ZSWIM3: variants seen among roughly 807,000 people sequenced by gnomAD.
ZSWIM3 encodes the protein zinc finger SWIM-type containing 3.
A neutral mutation model predicts 47.5 loss-of-function variants in ZSWIM3; 27 were observed. That is an observed-to-expected ratio of 0.57 (90% CI 0.42 to 0.78). The LOEUF is 0.78. Ranked by LOEUF, ZSWIM3 falls within the 30% of genes least tolerant of loss-of-function variation. The probability of loss-of-function intolerance (pLI) is 0.00; values close to 1 mark genes in which losing one functional copy is unlikely to be tolerated. For synonymous variants in ZSWIM3, 333 were observed against 333.9 expected (o/e 1.00, Z 0.03); for missense variants, 689 against 861.3 (o/e 0.80, Z 2.50).
In ZSWIM3 at chr20:45,878,757, G is replaced by A. The variant is rs1384945807; in HGVS notation, c.*108G>A. The A allele has an allele frequency of 1.4e-5, 19 of 1,369,502 alleles. No individual in the cohort carries two copies. The highest frequency in any genetic ancestry group is 1.9e-5 in the Non-Finnish European group (19 of 1,020,416). The allele number at this position is 1,369,502 out of a possible 1,614,324, so 84.8% of individuals were successfully genotyped here. On this transcript the variant is annotated 3_prime_UTR_variant, in exon 2 of 2. Coordinates refer to ENST00000255152, the MANE Select transcript of ZSWIM3 (RefSeq NM_080752.4). ...TAGCATTTTAGCCAATGTCTTCCTAGGTGGGGCTAGGAATATTGTTACAGT... is the reference window on the plus strand; with the variant it reads ...TAGCATTTTAGCCAATGTCTTCCTAAGTGGGGCTAGGAATATTGTTACAGT...
intron 1 of ZSWIM3, among the ~76,000 whole-genome samples, chr20:45,864,386 C>T (rs73911124): frequency 0.026 from 4,026 of 151,998 alleles, 196 homozygotes; most frequent in African/African-American, 0.092. Context: ...TTGAGTGATA[C>T]GTGGGTGTCT....
chr20:45,872,199 A>G (rs1985991555), intron 1 of ZSWIM3, among the ~76,000 whole-genome samples: 1 of 152,220 alleles, frequency 6.6e-6, no homozygotes, highest in African/African-American at 2.4e-5. Context: ...TCATGTAGCC[A>G]GATATATAAT....
chr20:45,857,633 C>G lies in ZSWIM3; in HGVS notation c.-193C>G, dbSNP rs965508626. 15 of 710,332 alleles carry G rather than the reference C, an allele frequency of 2.1e-5. No homozygotes were observed. In the African/African-American group the frequency reaches 2.1e-4, roughly 10 times the overall value. 44.0% of individuals were successfully genotyped at this position (710,332 alleles called of 1,614,324 possible). On this transcript the variant is annotated 5_prime_UTR_variant, in exon 1 of 2. Transcript: ENST00000255152. ...TCCCCTGTCAGATAGCAAATACACCCCCTTCCTCTTGTAACCCGGTCAGGC... is the reference window on the plus strand; with the variant it reads ...TCCCCTGTCAGATAGCAAATACACCGCCTTCCTCTTGTAACCCGGTCAGGC...
At position 45,877,790 on chromosome 20, in the gene ZSWIM3, C is replaced by T. The variant is rs1479895467; in HGVS notation, c.1232C>T (p.Ser411Leu). 10 of 1,614,038 alleles carry T rather than the reference C, an allele frequency of 6.2e-6. No homozygotes were observed. Among genetic ancestry groups the T allele is most frequent in the Non-Finnish European group, 7.6e-6 (9 of 1,180,026 alleles). ...KVSSLFREQQ[S>L]LLDCILCFVD... ...TCAAGCCTCTTTCGGGAACAGCAGT[C>T]GCTGCTGGACTGCATCCTCTGCTTT... The change falls in exon 2 of 2, where the codon TCG becomes TTG. Residue 411 changes from serine (S) to leucine (L), a missense_variant. By Grantham distance (145) the Ser-to-Leu change is moderately radical. Coordinates refer to ENST00000255152, the MANE Select transcript of ZSWIM3 (RefSeq NM_080752.4).
chr20:45,873,370 C>T (rs556094141), intron 1 of ZSWIM3, among the ~76,000 whole-genome samples: 86 of 152,158 alleles, frequency 5.7e-4, no homozygotes, highest in African/African-American at 2.0e-3. Context: ...CATCGCACTC[C>T]AGCCTGGGCA....
intron 1 of ZSWIM3, among the ~76,000 whole-genome samples, chr20:45,870,910 G>T (rs1173052455): frequency 1.3e-5 from 2 of 152,068 alleles, no homozygotes; most frequent in Non-Finnish European, 2.9e-5. Context: ...GGCCAGGCTG[G>T]TCATGAACTC....
intron 1 of ZSWIM3, among the ~76,000 whole-genome samples, chr20:45,870,641 A>G (rs949064900): frequency 3.3e-5 from 5 of 152,138 alleles, no homozygotes; most frequent in African/African-American, 1.2e-4. Flanking sequence ...TTGGAGGCTT[A>G]GAGGAAGTGA....
rs1985590332 is a variant in ZSWIM3 at position 45,858,101 on chromosome 20, A to T, written c.155+121A>T. On this transcript the variant is annotated intron_variant, in intron 1 of 1. Coordinates refer to ENST00000255152, the MANE Select transcript of ZSWIM3 (RefSeq NM_080752.4). ...TGGGCTGCGTGGCCATTCATTCAAC[A>T]GGCACTCATTGAGCACCTGCTGTGT... 5.4e-6 allele frequency: 6 copies of T among 1,103,368 alleles called. No individual in the cohort carries two copies. In the East Asian group the frequency reaches 1.5e-4, roughly 28 times the overall value. 68.3% of individuals were successfully genotyped at this position (1,103,368 alleles called of 1,614,324 possible).
At position 45,878,675 on chromosome 20, in the gene ZSWIM3, A is replaced by T; in HGVS notation, c.*26A>T. 3.2e-6 allele frequency: 5 copies of T among 1,580,144 alleles called. No individual in the cohort carries two copies. The highest frequency in any genetic ancestry group is 3.4e-6 in the Non-Finnish European group (4 of 1,159,838). ...AGCACTTTAGCTGAAGCATTGGACCACAAACACTTCTCCTTGGAAGTGTGA... is the reference window on the plus strand; with the variant it reads ...AGCACTTTAGCTGAAGCATTGGACCTCAAACACTTCTCCTTGGAAGTGTGA... On this transcript the variant is annotated 3_prime_UTR_variant, in exon 2 of 2. Coordinates refer to ENST00000255152, the MANE Select transcript of ZSWIM3 (RefSeq NM_080752.4).
At position 45,878,406 on chromosome 20, in the gene ZSWIM3, C is replaced by A. The variant is rs754428062; in HGVS notation, c.1848C>A (p.Asn616Lys). The A allele has an allele frequency of 7.4e-6, 12 of 1,614,218 alleles. No homozygotes were observed. The highest frequency in any genetic ancestry group is 1.0e-5 in the Non-Finnish European group (12 of 1,180,046). ...GCCAGCCTGAGAAGCAAGGACGGAA[C>A]GACATGATTCAGGACCTAAGCAGGG... ...NTGQPEKQGRNDMIQDLSREL... is the reference protein window; with the variant it reads ...NTGQPEKQGRKDMIQDLSREL... The change falls in exon 2 of 2, where the codon AAC (asparagine) becomes AAA (lysine). Residue 616 changes from asparagine to lysine, a missense_variant. By Grantham distance (94) the Asn-to-Lys change is moderately conservative (BLOSUM62 0). Transcript: ENST00000255152.
Position 45,878,529 on chromosome 20 carries a change from G to T in ZSWIM3, c.1971G>T (p.Gln657His). 6.2e-7 allele frequency: 1 copy of T among 1,614,184 alleles called. No homozygotes were observed. Among genetic ancestry groups the T allele is most frequent in the Non-Finnish European group, 8.5e-7 (1 of 1,180,026 alleles). ...TGGATATCTGGGCTGGCCCCTCCCA[G>T]CCATCTGAGCTCTTTCAGCAGCCAG... ...KIVDIWAGPS[Q>H]PSELFQQPGD... Residue 657 changes from glutamine to histidine, a missense_variant, in exon 2 of 2, where the codon CAG becomes CAT. Gln to His is a conservative substitution (Grantham distance 24). Transcript: ENST00000255152.
intron 1 of ZSWIM3, among the ~76,000 whole-genome samples, chr20:45,868,988 GAC>G (rs1267307573): frequency 6.6e-6 from 1 of 150,864 alleles, no homozygotes; most frequent in African/African-American, 2.4e-5. Flanking sequence ...TTTTAGTAGA[GAC>G]AGGGTTTCAC....
At chr20:45,865,868 C>G (rs1164410245) in intron 1 of ZSWIM3, among the ~76,000 whole-genome samples, 1 of 151,720 alleles carries the variant, frequency 6.6e-6, no homozygotes, top group Admixed American at 6.6e-5. Flanking sequence ...TGGCAGGCGC[C>G]TGTAATCCCA....
At chr20:45,872,837 C>A in intron 1 of ZSWIM3, 1 of 1,275,068 alleles carries the variant, frequency 7.8e-7, no homozygotes, top group African/African-American at 1.5e-5. Context: ...TACAGACACT[C>A]TCAGCCCCAA....
In ZSWIM3 at chr20:45,874,484, C is replaced by T. The variant is rs148405992; in HGVS notation, c.156-2230C>T. 5.6e-3 allele frequency among the ~76,000 whole-genome samples: 847 copies of T among 152,270 alleles called. 9 individuals are homozygous for T. The highest frequency in any genetic ancestry group is 0.019 in the African/African-American group (801 of 41,554). On this transcript the variant is annotated intron_variant, in intron 1 of 1. Transcript: ENST00000255152. ...CTGAGATTACACCACTACACTCCAGCCTGGGTGACAGAGTGAGACTTTAAT... is the reference window on the plus strand; with the variant it reads ...CTGAGATTACACCACTACACTCCAGTCTGGGTGACAGAGTGAGACTTTAAT...
intron 1 of ZSWIM3, among the ~76,000 whole-genome samples, chr20:45,866,224 C>T (rs1985839214): frequency 6.6e-6 from 1 of 151,690 alleles, no homozygotes; most frequent in African/African-American, 2.4e-5. Context: ...ATCATTTGAA[C>T]CCGGCAGAGG....
At position 45,877,209 on chromosome 20, in the gene ZSWIM3, C is replaced by G. The variant is rs936456767; in HGVS notation, c.651C>G (p.Phe217Leu). ...SSKMTDLFIR[F>L]PENLLLHRVE... ...AGATGACCGACCTGTTCATCCGCTT[C>G]CCAGAGAATCTCTTGCTACACCGGG... Residue 217 changes from phenylalanine to leucine, a missense_variant, in exon 2 of 2, where the codon TTC becomes TTG. Physicochemically the swap from Phe to Leu is conservative, Grantham distance 22. Coordinates refer to ENST00000255152, the MANE Select transcript of ZSWIM3 (RefSeq NM_080752.4). 1 of 1,614,140 alleles carries G rather than the reference C, an allele frequency of 6.2e-7. No individual in the cohort carries two copies. Among genetic ancestry groups the G allele is most frequent in the East Asian group, 2.2e-5 (1 of 44,882 alleles).
rs370475782 is a variant in ZSWIM3 at position 45,864,638 on chromosome 20, G to A, written c.155+6658G>A. ...AACACTTTGGGAGGTCGAGGCGGGC[G>A]GATCACTTAAAGTCGGGAGTTTGAG... On this transcript the variant is annotated intron_variant, in intron 1 of 1. Coordinates refer to ENST00000255152, the MANE Select transcript of ZSWIM3 (RefSeq NM_080752.4). Among the ~76,000 whole-genome samples, 30 of 152,240 alleles carry A rather than the reference G, an allele frequency of 2.0e-4. No individual in the cohort carries two copies. The East Asian group carries it at 3.5e-3, about 18-fold the overall frequency.
intron 1 of ZSWIM3, among the ~76,000 whole-genome samples, chr20:45,870,435 T>C: frequency 6.6e-6 from 1 of 152,118 alleles, no homozygotes; most frequent in East Asian, 1.9e-4. Flanking sequence ...CTAATACAAT[T>C]ACCTTAATTG....
Sources: gnomAD v4.1 joint callset for allele counts (sites outside exome capture counted in the v4.1 genomes callset) on GRCh38, gnomAD v4.1.1 for gene constraint, MANE v1.5 for transcripts, NCBI Gene and HGNC (gene_info 2026-07-23, HGNC 2026-07-21) for gene names.